Variants in CNN3 observed in about 807,000 individuals in gnomAD.
CNN3 encodes the protein calponin-3.
In CNN3, 11 loss-of-function variants were observed where a neutral mutation model predicts 39.0. That is an observed-to-expected ratio of 0.28 (90% confidence interval 0.18 to 0.47). The LOEUF is 0.47. CNN3 is among the 20% of genes least tolerant of loss of function. The pLI is 0.99. For missense variants in CNN3, 266 were observed against 403.4 expected, an observed-to-expected ratio of 0.66 and a Z score of 2.92; for synonymous variants, 101 against 138.3, an observed-to-expected ratio of 0.73 and a Z score of 1.89.
intron 1 of CNN3, among the ~76,000 whole-genome samples, chr1:94,921,997 C>T (rs1235126345): frequency 1.3e-5 from 2 of 152,172 alleles, no homozygotes; most frequent in African/African-American, 4.8e-5. Flanking sequence ...GCAGAGGACA[C>T]CTCTACCATT....
intron 1 of CNN3, among the ~76,000 whole-genome samples, chr1:94,908,186 G>A (rs1002621207): frequency 6.6e-5 from 10 of 152,188 alleles, no homozygotes; most frequent in African/African-American, 2.4e-4. Flanking sequence ...CCTCTAGCCA[G>A]ATACAATCAA....
In CNN3 at chr1:94,903,501, C is replaced by G; in HGVS notation, c.81G>C (p.Gln27His). The change falls in exon 2 of 7, where the codon CAG becomes CAC. Residue 27 changes from glutamine to histidine, a missense_variant. Coordinates refer to ENST00000370206, the MANE Select transcript of CNN3 (RefSeq NM_001839.5). ...TCCAATTGCGAAGATCTTCTTCTGC[C>G]TGATGATCATACTTGGAAGCAATCT... ...KNKIASKYDH[Q>H]AEEDLRNWIE... 6.2e-7 allele frequency: 1 copy of G among 1,613,960 alleles called. No homozygotes were observed. Among genetic ancestry groups the G allele is most frequent in the South Asian group, 1.1e-5 (1 of 91,040 alleles).
rs376955734 is a variant in CNN3 at position 94,907,149 on chromosome 1, T to G, written c.58-3625A>C. Among the ~76,000 whole-genome samples the G allele has an allele frequency of 8.2e-4, 125 of 152,220 alleles. 1 individual carries two copies. The highest frequency in any genetic ancestry group is 2.8e-3 in the African/African-American group (118 of 41,526). ...ATATGACCACGTGCACAGAAGAAAT[T>G]CGTATGTACAAGCATGCAAAACTCA... On this transcript the variant is annotated intron_variant, in intron 1 of 6. Coordinates refer to ENST00000370206, the MANE Select transcript of CNN3 (RefSeq NM_001839.5).
intron 1 of CNN3, among the ~76,000 whole-genome samples, chr1:94,911,693 T>G (rs1671169632): frequency 6.6e-6 from 1 of 152,036 alleles, no homozygotes; most frequent in African/African-American, 2.4e-5. Flanking sequence ...CACTTGAGCC[T>G]GGGAGGTCAA....
chr1:94,923,432 G>C (rs1311160477), intron 1 of CNN3, among the ~76,000 whole-genome samples: 4 of 151,022 alleles, frequency 2.6e-5, no homozygotes, highest in African/African-American at 9.7e-5. Flanking sequence ...TGATCATTTG[G>C]TGTCATTTTT....
intron 1 of CNN3, among the ~76,000 whole-genome samples, chr1:94,917,931 C>T (rs757525893): frequency 2.0e-5 from 3 of 152,126 alleles, no homozygotes; most frequent in Non-Finnish European, 4.4e-5. Context: ...AGCAGGGATT[C>T]GGACCCAGAT....
intron 1 of CNN3, among the ~76,000 whole-genome samples, chr1:94,918,942 A>G (rs1263522573): frequency 1.3e-5 from 2 of 152,006 alleles, no homozygotes; most frequent in Admixed American, 1.3e-4. Flanking sequence ...GTTTCAGACT[A>G]AAAACACTTT....
At chr1:94,918,019 C>T (rs557715574) in intron 1 of CNN3, among the ~76,000 whole-genome samples, 7 of 152,208 alleles carry the variant, frequency 4.6e-5, no homozygotes, top group African/African-American at 1.2e-4. Context: ...GAGACAGGAA[C>T]TCTCTGTACT....
intron 1 of CNN3, among the ~76,000 whole-genome samples, chr1:94,905,721 G>C (rs75254222): frequency 0.096 from 14,553 of 152,126 alleles, 847 homozygotes; most frequent in African/African-American, 0.16. Flanking sequence ...ATCAAGTCTG[G>C]CCTGGAGGTT....
chr1:94,901,968 C>A, intron 4 of CNN3, 153 bp downstream of exon 4: 1 of 741,054 alleles, frequency 1.3e-6, no homozygotes, highest in African/African-American at 1.7e-5. Context: ...TAGTACGATG[C>A]AGCTGATGTC....
At chr1:94,915,690 C>T (rs537842559) in intron 1 of CNN3, among the ~76,000 whole-genome samples, 1 of 152,286 alleles carries the variant, frequency 6.6e-6, no homozygotes, top group Non-Finnish European at 1.5e-5. Flanking sequence ...AGATCAAGGG[C>T]CAATGGAAAG....
intron 1 of CNN3, among the ~76,000 whole-genome samples, chr1:94,925,254 T>G (rs1425696463): frequency 1.3e-5 from 2 of 152,228 alleles, no homozygotes; most frequent in African/African-American, 4.8e-5. Context: ...GGAATTACAA[T>G]GAATGTGCAC....
At chr1:94,901,275 A>G (rs1480321492) in intron 5 of CNN3, among the ~76,000 whole-genome samples, 1 of 151,220 alleles carries the variant, frequency 6.6e-6, no homozygotes, top group Non-Finnish European at 1.5e-5. Flanking sequence ...AATTGCTTGA[A>G]CCCAGGAGGT....
At chr1:94,903,265 T>C in intron 2 of CNN3, 77 bp from the exon 3 acceptor site, 1 of 1,563,332 alleles carries the variant, frequency 6.4e-7, no homozygotes, top group Non-Finnish European at 8.7e-7. Flanking sequence ...TTGCTCCCTT[T>C]AGCATCAGTA....
In CNN3 at chr1:94,914,251, A is replaced by G. The variant is rs1216507453; in HGVS notation, c.58-10727T>C. ...CTGTCATTTATCTTTCCATAACGAC[A>G]AGGCACATGACCTGTTTGCAACTTT... On this transcript the variant is annotated intron_variant, in intron 1 of 6. Coordinates refer to ENST00000370206, the MANE Select transcript of CNN3 (RefSeq NM_001839.5). Among the ~76,000 whole-genome samples, 5 of 152,286 alleles carry G rather than the reference A, an allele frequency of 3.3e-5. No individual in the cohort carries two copies. The East Asian group carries it at 9.7e-4, about 29-fold the overall frequency.
chr1:94,926,624 C>A lies in CNN3; in HGVS notation c.57+214G>T, dbSNP rs1409782846. ...GCCAGCCACTAGTCCTGTCCCACGG[C>A]GCGGGAACAAAGCCAGGCGGGTGCC... On this transcript the variant is annotated intron_variant, in intron 1 of 6. Coordinates refer to ENST00000370206, the MANE Select transcript of CNN3 (RefSeq NM_001839.5). This position sits in a 1 kb window ranked among gnomAD's most constrained non-coding sequence, Gnocchi z 4.2. Among the ~76,000 whole-genome samples, 1 of 152,160 alleles carries A rather than the reference C, an allele frequency of 6.6e-6. No homozygotes were observed. The highest frequency in any genetic ancestry group is 1.5e-5 in the Non-Finnish European group (1 of 68,024).
intron 1 of CNN3, among the ~76,000 whole-genome samples, chr1:94,907,768 G>A (rs1341600319): frequency 6.6e-6 from 1 of 152,246 alleles, no homozygotes; most frequent in Admixed American, 6.5e-5. Flanking sequence ...GCTGAGGCAG[G>A]AGAATGGTGT....
Position 94,901,739 on chromosome 1 carries a change from T to C in CNN3, c.431A>G (p.Tyr144Cys). The stretch of plus-strand genomic sequence containing the variant: ...AAAACGTCTTGTTTGTTTTTCTGCA[T>C]ACTTAACTCCAATGTCAATGGTTGT... ...FHTTIDIGVK[Y>C]AEKQTRRFDE... The change falls in exon 5 of 7, where the codon TAT becomes TGT. Residue 144 changes from tyrosine (Y) to cysteine (C), a missense_variant. Transcript: ENST00000370206. 2 of 1,614,108 alleles carry C rather than the reference T, an allele frequency of 1.2e-6. No homozygotes were observed. Among genetic ancestry groups the C allele is most frequent in the Non-Finnish European group, 1.7e-6 (2 of 1,179,992 alleles).
intron 1 of CNN3, among the ~76,000 whole-genome samples, chr1:94,918,890 CA>C (rs35284184): frequency 0.11 from 11,679 of 102,672 alleles, 517 homozygotes; most frequent in Middle Eastern, 0.19. Context: ...AAGACTGTCT[CA>C]AAAAAAAAAA....
Sources: gnomAD v4.1 joint callset for allele counts (sites outside exome capture counted in the v4.1 genomes callset) on GRCh38, gnomAD v4.1.1 for gene constraint, Gnocchi (gnomAD v3.1) non-coding constraint, MANE v1.5 for transcripts, NCBI Gene and HGNC (gene_info 2026-07-23, HGNC 2026-07-21) for gene names.